The following MAP2 variants were observed in gnomAD, a reference collection of about 807,000 sequenced individuals.
The protein encoded by MAP2 is microtubule associated protein 2, also known as microtubule-associated protein 2.
Under a neutral mutation model 137.6 loss-of-function variants are expected in MAP2, and 14 were observed. That is an observed-to-expected ratio of 0.10 (90% CI 0.07 to 0.16). MAP2 has a LOEUF of 0.16. Ranked by LOEUF, MAP2 falls within the 10% of genes least tolerant of loss-of-function variation. MAP2 has a pLI of 1.00. For synonymous variants in MAP2, 786 were observed against 782.3 expected (o/e 1.00, Z -0.08); for missense variants, 2,088 against 2,191.5 (o/e 0.95, Z 0.94).
chr2:209,642,100 G>T (rs1367879385), intron 4 of MAP2, among the ~76,000 whole-genome samples: 1 of 152,132 alleles, frequency 6.6e-6, no homozygotes, highest in Non-Finnish European at 1.5e-5. Flanking sequence ...GTTTTTCAGT[G>T]TGGGTCAAAC....
At chr2:209,517,718 A>G (rs2062713658) in intron 2 of MAP2, among the ~76,000 whole-genome samples, 1 of 152,036 alleles carries the variant, frequency 6.6e-6, no homozygotes. Flanking sequence ...AATCCTAGTC[A>G]TTAGCTAACA....
intron 1 of MAP2, among the ~76,000 whole-genome samples, chr2:209,460,626 A>C (rs1242964389): frequency 1.0e-5 from 1 of 95,620 alleles, no homozygotes; most frequent in African/African-American, 4.0e-5. Flanking sequence ...CTTCCTCTTT[A>C]TTTTTTTCTC....
At chr2:209,633,121 C>T (rs528980499) in intron 4 of MAP2, among the ~76,000 whole-genome samples, 2 of 152,194 alleles carry the variant, frequency 1.3e-5, no homozygotes, top group African/African-American at 4.8e-5. Flanking sequence ...GTGACTTGTA[C>T]TTCCTCAATT....
At chr2:209,673,825 TA>T (rs1278890954) in intron 5 of MAP2, among the ~76,000 whole-genome samples, 1 of 151,812 alleles carries the variant, frequency 6.6e-6, no homozygotes, top group African/African-American at 2.4e-5. Flanking sequence ...ATAGAAAGTA[TA>T]AAAAGGAATA....
At chr2:209,689,300 A>T (rs1559560814) in intron 7 of MAP2, among the ~76,000 whole-genome samples, 2 of 151,602 alleles carry the variant, frequency 1.3e-5, no homozygotes, top group Non-Finnish European at 2.9e-5. Flanking sequence ...GATAATGTAG[A>T]TTTTTTTTTC....
intron 2 of MAP2, among the ~76,000 whole-genome samples, chr2:209,565,733 A>G (rs1157836594): frequency 6.6e-6 from 1 of 152,198 alleles, no homozygotes; most frequent in Non-Finnish European, 1.5e-5. Flanking sequence ...AAGTCCAACA[A>G]GAAATCACAA....
intron 4 of MAP2, among the ~76,000 whole-genome samples, chr2:209,647,000 C>A (rs1295352451): frequency 6.6e-6 from 1 of 152,142 alleles, no homozygotes; most frequent in African/African-American, 2.4e-5. Flanking sequence ...GTACAGGAAG[C>A]ATGATGCTGG....
chr2:209,724,144 A>G (rs2072796653), intron 13 of MAP2, among the ~76,000 whole-genome samples: 1 of 152,218 alleles, frequency 6.6e-6, no homozygotes, highest in Admixed American at 6.5e-5. Context: ...GTGGTTCATT[A>G]TTCATGAAAG....
At chr2:209,596,676 G>A (rs1297820805) in intron 3 of MAP2, among the ~76,000 whole-genome samples, 1 of 152,148 alleles carries the variant, frequency 6.6e-6, no homozygotes, top group African/African-American at 2.4e-5. Flanking sequence ...TTTATTGATG[G>A]TGAAGCTCTG....
chr2:209,725,648 T>C (rs939519160), intron 13 of MAP2, 61 bp from the exon 14 acceptor site: 2 of 1,088,998 alleles, frequency 1.8e-6, no homozygotes, highest in Non-Finnish European at 2.6e-6. Context: ...ATCTTATGTA[T>C]GAGCTTGGGT....
At chr2:209,520,997 A>G (rs1028921212) in intron 2 of MAP2, among the ~76,000 whole-genome samples, 2 of 152,090 alleles carry the variant, frequency 1.3e-5, no homozygotes, top group Non-Finnish European at 2.9e-5. Flanking sequence ...AAGGTTATGC[A>G]TAGTATCTTT....
At chr2:209,654,130 C>T (rs1473570040) in intron 5 of MAP2, among the ~76,000 whole-genome samples, 2 of 152,152 alleles carry the variant, frequency 1.3e-5, no homozygotes, top group Non-Finnish European at 2.9e-5. Context: ...TCTTGGGGTG[C>T]TGCAGCAAAT....
intron 5 of MAP2, among the ~76,000 whole-genome samples, chr2:209,653,820 A>T (rs16843369): frequency 0.033 from 5,027 of 152,294 alleles, 268 homozygotes; most frequent in African/African-American, 0.11. Flanking sequence ...AGCAGAAAAA[A>T]GCAAAATACG....
chr2:209,583,710 C>G (rs2077042651), intron 3 of MAP2, among the ~76,000 whole-genome samples: 1 of 150,642 alleles, frequency 6.6e-6, no homozygotes, highest in African/African-American at 2.4e-5. Context: ...TTGGAGTCAG[C>G]AAAATAAGAT....
chr2:209,573,055 C>T (rs1322180142), intron 2 of MAP2, among the ~76,000 whole-genome samples: 1 of 152,106 alleles, frequency 6.6e-6, no homozygotes, highest in East Asian at 1.9e-4. Flanking sequence ...TCAAGAAACA[C>T]TTCTAGAAGA....
intron 5 of MAP2, among the ~76,000 whole-genome samples, chr2:209,668,134 T>C (rs2047147553): frequency 6.6e-6 from 1 of 152,092 alleles, no homozygotes; most frequent in Non-Finnish European, 1.5e-5. Context: ...TTTATGCTTC[T>C]AGATATCATT....
chr2:209,668,423 AATT>A (rs2047288050), intron 5 of MAP2, among the ~76,000 whole-genome samples: 1 of 152,062 alleles, frequency 6.6e-6, no homozygotes, highest in African/African-American at 2.4e-5. Flanking sequence ...GTGCATTTGA[AATT>A]ATTATTTGTT....
chr2:209,462,898 G>A (rs922283272), intron 1 of MAP2, among the ~76,000 whole-genome samples: 1 of 151,956 alleles, frequency 6.6e-6, no homozygotes. Context: ...AGAGGCTTTT[G>A]GGAGCCCAAT....
At chr2:209,486,116 A>G (rs1012145973) in intron 1 of MAP2, among the ~76,000 whole-genome samples, 3 of 152,224 alleles carry the variant, frequency 2.0e-5, no homozygotes, top group Non-Finnish European at 2.9e-5. Flanking sequence ...CTTCTTCACC[A>G]TCATTATATC....
Sources: gnomAD v4.1 joint callset for allele counts (sites outside exome capture counted in the v4.1 genomes callset) on GRCh38, gnomAD v4.1.1 for gene constraint, MANE v1.5 for transcripts, NCBI Gene and HGNC (gene_info 2026-07-23, HGNC 2026-07-21) for gene names.